The following MAPK10 variants were observed in gnomAD, a reference collection of about 807,000 sequenced individuals.
The protein encoded by MAPK10 is mitogen-activated protein kinase 10.
MAPK10 carries 25 observed loss-of-function variants against 59.3 expected under a neutral mutation model. The ratio of observed to expected loss-of-function variants is 0.42; its 90% confidence interval spans 0.31 to 0.59. The LOEUF (loss-of-function observed/expected upper bound fraction) is 0.59, where lower values mean the gene tolerates loss of function less well. MAPK10 is among the 20% of genes least tolerant of loss of function. MAPK10 has a pLI of 0.15. For synonymous variants in MAPK10, 190 were observed against 200.5 expected, an observed-to-expected ratio of 0.95 and a Z score of 0.44; for missense variants, 351 against 568.9, an observed-to-expected ratio of 0.62 and a Z score of 3.90.
At chr4:86,474,212 A>G (rs1400520896) in intron 1 of MAPK10, among the ~76,000 whole-genome samples, 1 of 152,204 alleles carries the variant, frequency 6.6e-6, no homozygotes, top group Non-Finnish European at 1.5e-5. Context: ...TTTGTTAGAA[A>G]TGAATAAAGT....
intron 1 of MAPK10, among the ~76,000 whole-genome samples, chr4:86,571,014 C>A (rs527404564): frequency 4.4e-4 from 67 of 152,076 alleles, no homozygotes; most frequent in Non-Finnish European, 9.1e-4. Context: ...GCGTTTTTAA[C>A]CAGCTAAGGG....
At chr4:86,385,065 T>C (rs898530815) in intron 1 of MAPK10, among the ~76,000 whole-genome samples, 42 of 152,130 alleles carry the variant, frequency 2.8e-4, no homozygotes, top group African/African-American at 9.2e-4. Flanking sequence ...AGTAGGTTTA[T>C]TGAGGATGTT....
chr4:86,439,679 A>T (rs911433508), intron 1 of MAPK10, among the ~76,000 whole-genome samples: 3 of 152,208 alleles, frequency 2.0e-5, no homozygotes, highest in Admixed American at 1.3e-4. Context: ...ACGGTTTTTG[A>T]AAGTGTCTGT....
intron 11 of MAPK10, among the ~76,000 whole-genome samples, chr4:86,046,623 C>T (rs1033404813): frequency 6.6e-6 from 1 of 151,870 alleles, no homozygotes; most frequent in Non-Finnish European, 1.5e-5. Flanking sequence ...TATATTAACT[C>T]GGAAAAATTG....
At chr4:86,129,612 CCAAT>C (rs1259179810) in intron 4 of MAPK10, among the ~76,000 whole-genome samples, 2 of 152,150 alleles carry the variant, frequency 1.3e-5, no homozygotes, top group African/African-American at 4.8e-5. Flanking sequence ...AAGTATCACA[CCAAT>C]CAAATACGAG....
intron 3 of MAPK10, among the ~76,000 whole-genome samples, chr4:86,172,550 A>T (rs2074520876): frequency 1.3e-5 from 2 of 150,652 alleles, no homozygotes; most frequent in South Asian, 4.2e-4. Context: ...CAGGAAGGGG[A>T]ATATCACACT....
chr4:86,151,170 G>A (rs956956365), intron 4 of MAPK10, among the ~76,000 whole-genome samples: 12 of 152,140 alleles, frequency 7.9e-5, no homozygotes, highest in South Asian at 6.2e-4. Flanking sequence ...AACTAACTGG[G>A]CAGGGAAGAC....
chr4:86,168,642 C>A (rs2072836937), intron 3 of MAPK10, among the ~76,000 whole-genome samples: 1 of 152,140 alleles, frequency 6.6e-6, no homozygotes, highest in Non-Finnish European at 1.5e-5. Context: ...AGGGCACAGA[C>A]AAACAAAAAG....
chr4:86,398,882 A>G (rs1743318569), intron 1 of MAPK10, among the ~76,000 whole-genome samples: 1 of 152,156 alleles, frequency 6.6e-6, no homozygotes, highest in East Asian at 1.9e-4. Flanking sequence ...TCCTACATTA[A>G]TTCACTTAGG....
chr4:86,349,709 C>A (rs1451409369), intron 2 of MAPK10, among the ~76,000 whole-genome samples: 1 of 152,170 alleles, frequency 6.6e-6, no homozygotes, highest in African/African-American at 2.4e-5. Flanking sequence ...CAAACTTTAA[C>A]ATGTATTTAA....
chr4:86,589,459 A>G lies in MAPK10; in HGVS notation c.-263+4451T>C, dbSNP rs565464277. ...CACTTTCGGAGGCCGAGGCGGGTGG[A>G]TCACCTGAGGTCAGGAGTTGGAGAC... is the stretch of plus-strand genomic sequence containing the variant. On this transcript the variant is annotated intron_variant, in intron 1 of 4. Transcript: ENST00000502302. Among the ~76,000 whole-genome samples the G allele has an allele frequency of 2.8e-3, 420 of 152,226 alleles. 3 individuals are homozygous for G. Among genetic ancestry groups the G allele is most frequent in the African/African-American group, 9.8e-3 (406 of 41,552 alleles).
Position 86,295,074 on chromosome 4 carries a change from A to G in MAPK10, c.-7+59456T>C, listed in dbSNP as rs115668828. ...CATCAAAGCCTGCTCTGCACCTGCC[A>G]AAATACAGCATAAAATCAGATTTGA... On this transcript the variant is annotated intron_variant, in intron 2 of 13. Transcript: ENST00000641462. Among the ~76,000 whole-genome samples the G allele has an allele frequency of 3.3e-3, 508 of 152,346 alleles. 1 individual carries two copies. The highest frequency in any genetic ancestry group is 6.0e-3 in the Non-Finnish European group (407 of 68,032).
chr4:86,294,595 A>G (rs1015350706), intron 2 of MAPK10, among the ~76,000 whole-genome samples: 11 of 152,212 alleles, frequency 7.2e-5, no homozygotes, highest in Non-Finnish European at 1.6e-4. Context: ...AGCCAGAGCA[A>G]AATTGTGTTG....
intron 2 of MAPK10, among the ~76,000 whole-genome samples, chr4:86,227,505 GA>G (rs2090860557): frequency 6.8e-6 from 1 of 146,752 alleles, no homozygotes; most frequent in East Asian, 2.0e-4. Flanking sequence ...AAAAAAGAAA[GA>G]AAAGAAAAAG....
rs35968542 is a variant in MAPK10 at position 86,448,401 on chromosome 4, GTT to G, written c.-122+4627_-122+4628del. Among the ~76,000 whole-genome samples, 939 of 147,750 alleles carry G rather than the reference GTT, an allele frequency of 6.4e-3. 7 individuals are homozygous for G. The highest frequency in any genetic ancestry group is 0.02 in the African/African-American group (822 of 40,386). On this transcript the variant is annotated intron_variant, in intron 1 of 13. Transcript: ENST00000361569. ...CTAGTCTAATTAAAAAGAATTCTGGGTTTTTTTTTTTATCTTAAATTTATGGA... is the reference window on the plus strand; with the variant it reads ...CTAGTCTAATTAAAAAGAATTCTGGGTTTTTTTTTATCTTAAATTTATGGA...
chr4:86,125,952 A>G (rs1246083163), intron 4 of MAPK10: 3 of 152,136 alleles, frequency 2.0e-5, no homozygotes, highest in Admixed American at 6.6e-5. Flanking sequence ...GACCTGTAAA[A>G]TTGATGAGAT....
intron 1 of MAPK10, among the ~76,000 whole-genome samples, chr4:86,512,168 C>T (rs987576220): frequency 1.3e-5 from 2 of 152,078 alleles, no homozygotes; most frequent in Non-Finnish European, 2.9e-5. Flanking sequence ...TAGTTTAAAG[C>T]AATACGGTAA....
Position 86,113,462 on chromosome 4 carries a change from C to T in MAPK10, c.237-6110G>A, listed in dbSNP as rs556677243. On this transcript the variant is annotated intron_variant, in intron 4 of 13. Transcript: ENST00000641462. ...TTGTCTGAAAAGGATTTTATTTCTCCTTCATTTATGAAGATTAGTGTGGCC... is the reference window on the plus strand; with the variant it reads ...TTGTCTGAAAAGGATTTTATTTCTCTTTCATTTATGAAGATTAGTGTGGCC... 1.6e-4 allele frequency among the ~76,000 whole-genome samples: 24 copies of T among 152,228 alleles called. No individual in the cohort carries two copies. In the South Asian group the frequency reaches 4.8e-3, roughly 30 times the overall value.
chr4:86,033,976 G>A (rs974505808), intron 11 of MAPK10, among the ~76,000 whole-genome samples: 2 of 152,042 alleles, frequency 1.3e-5, no homozygotes, highest in Non-Finnish European at 2.9e-5. Context: ...AGGAGAAGTT[G>A]GTATTTGAGC....
Sources: gnomAD v4.1 joint callset for allele counts (sites outside exome capture counted in the v4.1 genomes callset) on GRCh38, gnomAD v4.1.1 for gene constraint, MANE v1.5 for transcripts, NCBI Gene and HGNC (gene_info 2026-07-23, HGNC 2026-07-21) for gene names.